FSIP1: variants seen among roughly 807,000 people sequenced by gnomAD.
The protein encoded by FSIP1 is fibrous sheath-interacting protein 1.
In FSIP1, 65 loss-of-function variants were observed where a neutral mutation model predicts 60.9. That is an observed-to-expected ratio of 1.07 (90% CI 0.87 to 1.31). FSIP1 has a LOEUF of 1.31. FSIP1 is among the 40% of genes most tolerant of loss of function. FSIP1 has a pLI of 0.00. For synonymous variants in FSIP1, 209 were observed against 221.2 expected, an observed-to-expected ratio of 0.94 and a Z score of 0.49; for missense variants, 675 against 665.5, an observed-to-expected ratio of 1.01 and a Z score of -0.16.
intron 5 of FSIP1, among the ~76,000 whole-genome samples, chr15:39,746,964 T>C (rs1897015667): frequency 6.6e-6 from 1 of 151,944 alleles, no homozygotes; most frequent in Non-Finnish European, 1.5e-5. Flanking sequence ...ACATTAGTGA[T>C]TTTCCTGTTA....
At chr15:39,715,218 C>T (rs1044193972) in intron 9 of FSIP1, among the ~76,000 whole-genome samples, 1 of 152,082 alleles carries the variant, frequency 6.6e-6, no homozygotes, top group Non-Finnish European at 1.5e-5. Flanking sequence ...AAATGTGCAG[C>T]AATATTCACT....
Position 39,770,623 on chromosome 15 carries a change from T to TAAA in FSIP1, c.127-14_127-13insTTT. The TAAA allele has an allele frequency of 1.5e-6, 2 of 1,339,074 alleles. No individual in the cohort carries two copies. The highest frequency in any genetic ancestry group is 1.0e-6 in the Non-Finnish European group (1 of 1,002,124). 82.9% of individuals were successfully genotyped at this position (1,339,074 alleles called of 1,614,324 possible). A position where few individuals can be genotyped will look rare whatever the true frequency, so the allele number is the denominator to read the frequency against. On this transcript the variant is annotated splice_polypyrimidine_tract_variant and intron_variant, in intron 2 of 11. Coordinates refer to ENST00000350221, the MANE Select transcript of FSIP1 (RefSeq NM_152597.5). ...TTGCAGTATCGACCTAAAAATAATT[T>TAAA]CAAAAAAAAAACAGTTTCCGAAAAT...
At position 39,741,806 on chromosome 15, in the gene FSIP1, T is replaced by C; in HGVS notation, c.654A>G (p.Lys218=). Residue 218 remains lysine, a splice_region_variant and synonymous_variant, in exon 6 of 12, where the codon AAA becomes AAG. Coordinates refer to ENST00000350221, the MANE Select transcript of FSIP1 (RefSeq NM_152597.5). ...EYEMQMQKLN[K]DFTCDVERNE... is the part of the protein sequence containing the mutation. ...ATAATCACACAAATTTAAATATACC[T>C]TTATTGAGTTTCTGCATCTGCATTT... 1 of 1,497,772 alleles carries C rather than the reference T, an allele frequency of 6.7e-7. No individual in the cohort carries two copies. Among genetic ancestry groups the C allele is most frequent in the Non-Finnish European group, 9.3e-7 (1 of 1,075,436 alleles). 92.8% of individuals were successfully genotyped at this position (1,497,772 alleles called of 1,614,324 possible). A position where few individuals can be genotyped will look rare whatever the true frequency, so the allele number is the denominator to read the frequency against.
intron 10 of FSIP1, among the ~76,000 whole-genome samples, chr15:39,642,043 G>C (rs1314625013): frequency 6.6e-6 from 1 of 152,108 alleles, no homozygotes; most frequent in Non-Finnish European, 1.5e-5. Context: ...TTGATATTTT[G>C]CTATAAAGCC....
intron 10 of FSIP1, among the ~76,000 whole-genome samples, chr15:39,663,218 G>A (rs905579798): frequency 1.3e-5 from 2 of 151,786 alleles, no homozygotes; most frequent in African/African-American, 4.8e-5. Flanking sequence ...ACTTGAAAAC[G>A]AGTAGCGCAC....
Position 39,741,823 on chromosome 15 carries a change from T to A in FSIP1, c.637A>T (p.Met213Leu), listed in dbSNP as rs781444907. ...AATATACCTTTATTGAGTTTCTGCA[T>A]CTGCATTTCATATTCTTCTGGAGGG... ...QIPPEEYEMQ[M>L]QKLNKDFTCD... The change falls in exon 6 of 12, where the codon ATG (methionine) becomes TTG (leucine). Residue 213 changes from methionine to leucine, a missense_variant. Transcript: ENST00000350221. The A allele has an allele frequency of 1.9e-6, 3 of 1,588,070 alleles. No individual in the cohort carries two copies. The highest frequency in any genetic ancestry group is 4.5e-5 in the East Asian group (2 of 44,634).
In FSIP1 at chr15:39,657,976, G is replaced by A. The variant is rs73393260; in HGVS notation, c.1189-39731C>T. Among the ~76,000 whole-genome samples the A allele has an allele frequency of 8.9e-3, 1,355 of 152,242 alleles. 18 individuals carry two copies. The highest frequency in any genetic ancestry group is 0.031 in the African/African-American group (1,282 of 41,520). The stretch of plus-strand genomic sequence containing the variant: ...CAGCATATATAGTAGGGCCTGTGAT[G>A]GATGGCCAATACAAAAACGCTCTGA... On this transcript the variant is annotated intron_variant, in intron 10 of 11. Coordinates refer to ENST00000350221, the MANE Select transcript of FSIP1 (RefSeq NM_152597.5).
intron 11 of FSIP1, among the ~76,000 whole-genome samples, chr15:39,613,905 A>G (rs1891123089): frequency 6.6e-6 from 1 of 152,194 alleles, no homozygotes. Flanking sequence ...ATTCAACACC[A>G]TTTCATGATA....
At chr15:39,728,543 A>G (rs1020721394) in intron 8 of FSIP1, among the ~76,000 whole-genome samples, 7 of 152,138 alleles carry the variant, frequency 4.6e-5, no homozygotes, top group Admixed American at 1.3e-4. Flanking sequence ...GGGGAAAAGG[A>G]CTCCTGTTCA....
chr15:39,614,280 A>C (rs898416985), intron 11 of FSIP1, among the ~76,000 whole-genome samples: 1 of 152,236 alleles, frequency 6.6e-6, no homozygotes, highest in African/African-American at 2.4e-5. Context: ...TCTATACATT[A>C]AGAACAAACT....
chr15:39,665,372 G>T (rs1286732365), intron 10 of FSIP1, among the ~76,000 whole-genome samples: 3 of 152,148 alleles, frequency 2.0e-5, no homozygotes, highest in Non-Finnish European at 4.4e-5. Flanking sequence ...TTTATGAATT[G>T]ATTTCTAACT....
At chr15:39,746,420 AT>A (rs1440865762) in intron 5 of FSIP1, among the ~76,000 whole-genome samples, 1 of 152,222 alleles carries the variant, frequency 6.6e-6, no homozygotes, top group East Asian at 1.9e-4. Flanking sequence ...TTCTTTCTAC[AT>A]CTCTTCAGAG....
At chr15:39,751,298 C>T (rs1897152883) in intron 5 of FSIP1, among the ~76,000 whole-genome samples, 1 of 151,646 alleles carries the variant, frequency 6.6e-6, no homozygotes, top group East Asian at 1.9e-4. Context: ...AATGAAATCA[C>T]CACCTCATAA....
intron 8 of FSIP1, among the ~76,000 whole-genome samples, chr15:39,733,783 T>C (rs567340297): frequency 2.6e-5 from 4 of 152,104 alleles, no homozygotes; most frequent in Admixed American, 6.5e-5. Context: ...ACACACTGCC[T>C]ACAGATGTAG....
At chr15:39,728,091 A>C (rs1309279340) in intron 8 of FSIP1, among the ~76,000 whole-genome samples, 1 of 152,182 alleles carries the variant, frequency 6.6e-6, no homozygotes, top group Non-Finnish European at 1.5e-5. Flanking sequence ...GAGGTGAAAG[A>C]CCTCTACAAT....
chr15:39,743,019 A>G (rs1410449596), intron 5 of FSIP1, among the ~76,000 whole-genome samples: 3 of 152,194 alleles, frequency 2.0e-5, no homozygotes, highest in African/African-American at 7.2e-5. Flanking sequence ...TATTCATTAA[A>G]AGTAGGCTCA....
intron 10 of FSIP1, among the ~76,000 whole-genome samples, chr15:39,679,082 T>G (rs1270695792): frequency 6.6e-6 from 1 of 152,236 alleles, no homozygotes; most frequent in South Asian, 2.1e-4. Context: ...AGCTGTTTAG[T>G]GTCTTTGAAT....
At chr15:39,724,875 G>C (rs1896127279) in intron 9 of FSIP1, among the ~76,000 whole-genome samples, 4 of 151,934 alleles carry the variant, frequency 2.6e-5, no homozygotes, top group Non-Finnish European at 5.9e-5. Flanking sequence ...ATCCCATCTA[G>C]GGTTCCTCCT....
At chr15:39,740,362 T>C (rs1896763633) in intron 6 of FSIP1, among the ~76,000 whole-genome samples, 1 of 152,102 alleles carries the variant, frequency 6.6e-6, no homozygotes, top group Admixed American at 6.6e-5. Flanking sequence ...GAGGCTTGAG[T>C]CAATGTCTGA....
Sources: allele counts gnomAD v4.1 joint callset (sites outside exome capture counted in the v4.1 genomes callset), GRCh38; gene constraint gnomAD v4.1.1; transcripts MANE v1.5; gene names NCBI Gene and HGNC (gene_info 2026-07-23, HGNC 2026-07-21).